The following CERS6 variants were observed in gnomAD, a reference collection of about 807,000 sequenced individuals.
CERS6 encodes the protein LAG1 homolog, ceramide synthase 6.
Under a neutral mutation model 56.8 loss-of-function variants are expected in CERS6, and 26 were observed. That is an observed-to-expected ratio of 0.46 (90% confidence interval 0.34 to 0.63). The LOEUF is 0.63. Ranked by LOEUF, CERS6 falls within the 30% of genes least tolerant of loss-of-function variation. The pLI is 0.01. For synonymous variants in CERS6, 164 were observed against 173.3 expected (o/e 0.95, Z 0.42); for missense variants, 415 against 467.5 (o/e 0.89, Z 1.04).
chr2:168,552,232 T>C (rs775086348), intron 2 of CERS6, among the ~76,000 whole-genome samples: 6 of 152,046 alleles, frequency 3.9e-5, no homozygotes, highest in Non-Finnish European at 8.8e-5. Context: ...GTTTGTAATA[T>C]ATAAATGTTT....
In CERS6 at chr2:168,467,095, T is replaced by C. The variant is rs182311852; in HGVS notation, c.170+10477T>C. Among the ~76,000 whole-genome samples, 9 of 152,334 alleles carry C rather than the reference T, an allele frequency of 5.9e-5. No homozygotes were observed. In the East Asian group the frequency reaches 1.5e-3, roughly 26 times the overall value. On this transcript the variant is annotated intron_variant, in intron 1 of 9. Transcript: ENST00000305747. ...TCCTTTGTCACTTCCTCCTTTCTTATTATTACTGATACAGACCCTTTCTTA... is the reference window on the plus strand; with the variant it reads ...TCCTTTGTCACTTCCTCCTTTCTTACTATTACTGATACAGACCCTTTCTTA...
chr2:168,693,581 A>G (rs983005715), intron 5 of CERS6, among the ~76,000 whole-genome samples: 1 of 152,230 alleles, frequency 6.6e-6, no homozygotes, highest in South Asian at 2.1e-4. Flanking sequence ...AATGCCTTCA[A>G]GTTTTACAAG....
chr2:168,596,246 C>G (rs1683794017), intron 3 of CERS6, among the ~76,000 whole-genome samples: 2 of 151,498 alleles, frequency 1.3e-5, no homozygotes, highest in Admixed American at 6.6e-5. Flanking sequence ...GGTTTTGGAT[C>G]TTATTGAGGG....
chr2:168,659,655 CCCG>C (rs1441904005), intron 4 of CERS6, among the ~76,000 whole-genome samples: 8 of 152,032 alleles, frequency 5.3e-5, no homozygotes, highest in Non-Finnish European at 1.0e-4. Context: ...AGTTATAACA[CCCG>C]TTTGATCATA....
chr2:168,587,941 T>G (rs911348206), intron 3 of CERS6, among the ~76,000 whole-genome samples: 4 of 152,096 alleles, frequency 2.6e-5, no homozygotes, highest in African/African-American at 9.7e-5. Flanking sequence ...TCATTATATT[T>G]TACAGACAGT....
intron 7 of CERS6, 128 bp downstream of exon 7, chr2:168,715,257 A>G (rs962712034): frequency 1.5e-6 from 1 of 648,330 alleles, no homozygotes. Flanking sequence ...TTGAAACTGC[A>G]GAGTGTTTCT....
At chr2:168,541,635 T>A (rs374514821) in intron 1 of CERS6, among the ~76,000 whole-genome samples, 1 of 152,186 alleles carries the variant, frequency 6.6e-6, no homozygotes. Flanking sequence ...GATGGTGGAT[T>A]TTTTTACATT....
intron 1 of CERS6, among the ~76,000 whole-genome samples, chr2:168,537,967 T>A (rs891511495): frequency 5.3e-5 from 8 of 152,178 alleles, no homozygotes; most frequent in African/African-American, 1.9e-4. Context: ...TCTTGCCTCA[T>A]CCCATCCATG....
At chr2:168,637,596 A>G (rs1486906352) in intron 4 of CERS6, among the ~76,000 whole-genome samples, 2 of 152,240 alleles carry the variant, frequency 1.3e-5, no homozygotes, top group Admixed American at 6.5e-5. Context: ...AATGTATATG[A>G]ATATATACAC....
chr2:168,660,578 A>T (rs1685604407), intron 4 of CERS6, among the ~76,000 whole-genome samples: 1 of 152,180 alleles, frequency 6.6e-6, no homozygotes, highest in Admixed American at 6.5e-5. Context: ...ATATATTTTG[A>T]CCACTACCTG....
At chr2:168,476,979 A>G (rs1694083287) in intron 1 of CERS6, among the ~76,000 whole-genome samples, 1 of 152,144 alleles carries the variant, frequency 6.6e-6, no homozygotes, top group Admixed American at 6.5e-5. Flanking sequence ...ACAGGTTGCT[A>G]TGACAAAATA....
chr2:168,523,369 T>C (rs908744630), intron 1 of CERS6, among the ~76,000 whole-genome samples: 14 of 152,180 alleles, frequency 9.2e-5, no homozygotes, highest in Non-Finnish European at 1.0e-4. Context: ...CTACACCTGC[T>C]AGGGAAACAG....
intron 3 of CERS6, among the ~76,000 whole-genome samples, chr2:168,582,348 T>C (rs1226283609): frequency 1.3e-5 from 2 of 152,144 alleles, no homozygotes; most frequent in African/African-American, 4.8e-5. Context: ...GAAGGAGCTG[T>C]GGTGTTCTAC....
At chr2:168,546,927 C>T (rs947581635) in intron 1 of CERS6, among the ~76,000 whole-genome samples, 26 of 152,210 alleles carry the variant, frequency 1.7e-4, no homozygotes, top group Non-Finnish European at 1.5e-5. Flanking sequence ...GCTCAGTCCT[C>T]CCATTCCTCT....
At chr2:168,752,543 T>C (rs1021355268) in intron 8 of CERS6, among the ~76,000 whole-genome samples, 2 of 152,192 alleles carry the variant, frequency 1.3e-5, no homozygotes, top group Non-Finnish European at 2.9e-5. Context: ...CAGCCAGTCC[T>C]TGTGTATTCA....
At chr2:168,669,707 GA>G (rs1435651809) in intron 4 of CERS6, among the ~76,000 whole-genome samples, 8 of 152,130 alleles carry the variant, frequency 5.3e-5, no homozygotes, top group African/African-American at 1.9e-4. Context: ...TTGCCCTTGT[GA>G]ATTTATAGCA....
intron 4 of CERS6, among the ~76,000 whole-genome samples, chr2:168,658,989 A>T (rs1464857709): frequency 1.3e-5 from 2 of 152,226 alleles, no homozygotes; most frequent in Non-Finnish European, 2.9e-5. Flanking sequence ...GAATATCAGG[A>T]TACCCTGTAT....
intron 1 of CERS6, among the ~76,000 whole-genome samples, chr2:168,482,979 C>T (rs1024796591): frequency 1.2e-4 from 19 of 152,094 alleles, no homozygotes; most frequent in African/African-American, 4.6e-4. Context: ...ATGTGATAGT[C>T]TGGACAGTAT....
chr2:168,607,581 C>T (rs547318271), intron 3 of CERS6, among the ~76,000 whole-genome samples: 1 of 152,228 alleles, frequency 6.6e-6, no homozygotes, highest in Admixed American at 6.5e-5. Flanking sequence ...GGGGTTTCAC[C>T]ATGTTGGCCA....
Sources: allele counts gnomAD v4.1 joint callset (sites outside exome capture counted in the v4.1 genomes callset), GRCh38; gene constraint gnomAD v4.1.1; transcripts MANE v1.5; gene names NCBI Gene and HGNC (gene_info 2026-07-23, HGNC 2026-07-21).